MARCHF1: variants seen among roughly 807,000 people sequenced by gnomAD.
MARCHF1 encodes the protein membrane associated ring-CH-type finger 1, also known as E3 ubiquitin-protein ligase MARCHF1.
In MARCHF1, 40 loss-of-function variants were observed where a neutral mutation model predicts 54.2. The ratio of observed to expected loss-of-function variants is 0.74; its 90% CI spans 0.57 to 0.96. MARCHF1 has a LOEUF of 0.96. Among genes scored for constraint, MARCHF1 ranks in the 40% least tolerant of loss-of-function variants. The pLI is 0.00. For missense variants in MARCHF1, 586 were observed against 656.5 expected (o/e 0.89, Z 1.17); for synonymous variants, 236 against 236.3 (o/e 1.00, Z 0.01).
chr4:164,110,341 T>C (rs1373504179), intron 2 of MARCHF1, among the ~76,000 whole-genome samples: 4 of 151,884 alleles, frequency 2.6e-5, no homozygotes, highest in African/African-American at 9.7e-5. Context: ...ATCTCTTATA[T>C]AATCTTTATT....
intron 1 of MARCHF1, among the ~76,000 whole-genome samples, chr4:164,374,248 A>T (rs201772371): frequency 7.7e-6 from 1 of 129,350 alleles, no homozygotes; most frequent in Non-Finnish European, 1.6e-5. Context: ...AGACGTCAAC[A>T]TTTTTTTAAG....
chr4:164,001,095 T>C (rs2110917482), intron 2 of MARCHF1, among the ~76,000 whole-genome samples: 1 of 151,932 alleles, frequency 6.6e-6, no homozygotes, highest in South Asian at 2.1e-4. Flanking sequence ...TAATTTAATG[T>C]GGCCACAGTC....
At chr4:163,693,103 AT>A (rs1390585561) in intron 5 of MARCHF1, among the ~76,000 whole-genome samples, 1 of 151,374 alleles carries the variant, frequency 6.6e-6, no homozygotes, top group Non-Finnish European at 1.5e-5. Flanking sequence ...AGTCCATTGT[AT>A]TTATGATATC....
chr4:163,871,198 A>G (rs1464561941), intron 3 of MARCHF1, among the ~76,000 whole-genome samples: 1 of 152,176 alleles, frequency 6.6e-6, no homozygotes, highest in African/African-American at 2.4e-5. Context: ...TAAAACATAC[A>G]TCATCATCTT....
chr4:164,310,840 G>T (rs1193197976), intron 1 of MARCHF1, among the ~76,000 whole-genome samples: 1 of 152,056 alleles, frequency 6.6e-6, no homozygotes, highest in Non-Finnish European at 1.5e-5. Flanking sequence ...ACACAGTTTA[G>T]AATTTTTTCT....
chr4:163,901,083 A>G (rs960875561), intron 3 of MARCHF1, among the ~76,000 whole-genome samples: 14 of 152,182 alleles, frequency 9.2e-5, no homozygotes, highest in African/African-American at 3.4e-4. Flanking sequence ...TTTTATATTT[A>G]TTGATTGTAA....
intron 4 of MARCHF1, among the ~76,000 whole-genome samples, chr4:163,829,653 G>A (rs1748961465): frequency 2.0e-5 from 3 of 152,072 alleles, no homozygotes; most frequent in African/African-American, 7.2e-5. Context: ...CCCCTGGACT[G>A]GATGATATGT....
chr4:163,960,894 C>T (rs992022250), intron 3 of MARCHF1, among the ~76,000 whole-genome samples: 2 of 151,334 alleles, frequency 1.3e-5, no homozygotes, highest in African/African-American at 4.9e-5. Flanking sequence ...CGTCCAAAAT[C>T]AAGGTGCTGT....
At chr4:164,371,463 G>A (rs965847173) in intron 1 of MARCHF1, among the ~76,000 whole-genome samples, 4 of 151,990 alleles carry the variant, frequency 2.6e-5, no homozygotes, top group African/African-American at 9.7e-5. Context: ...AAAAACAAGG[G>A]ACAGAATGCA....
rs1561078571 is a variant in MARCHF1 at position 163,789,599 on chromosome 4, G to A, written c.111+64422C>T. ...AGCTAGAAAAAGGAGCTGATTCTTG[G>A]CTCTCTCTATTATGATTTAGAAAGT... On this transcript the variant is annotated intron_variant, in intron 4 of 9. Transcript: ENST00000514618. 2.6e-5 allele frequency among the ~76,000 whole-genome samples: 4 copies of A among 151,704 alleles called. No individual in the cohort carries two copies. In the South Asian group the frequency reaches 6.2e-4, roughly 24 times the overall value.
At chr4:164,275,906 C>G (rs1374437578) in intron 1 of MARCHF1, among the ~76,000 whole-genome samples, 3 of 152,144 alleles carry the variant, frequency 2.0e-5, no homozygotes, top group African/African-American at 7.2e-5. Context: ...CAAAAATTCA[C>G]AATATTTGCC....
At chr4:164,339,474 C>T (rs1729852385) in intron 1 of MARCHF1, among the ~76,000 whole-genome samples, 1 of 152,036 alleles carries the variant, frequency 6.6e-6, no homozygotes, top group African/African-American at 2.4e-5. Context: ...CCCTGAACAA[C>T]CAATGATCCA....
At chr4:163,976,324 A>G (rs1241592724) in intron 3 of MARCHF1, among the ~76,000 whole-genome samples, 1 of 152,194 alleles carries the variant, frequency 6.6e-6, no homozygotes, top group Non-Finnish European at 1.5e-5. Context: ...GCAGCTGGAA[A>G]ATTTAGACAT....
At chr4:163,816,324 T>G (rs534674886) in intron 4 of MARCHF1, among the ~76,000 whole-genome samples, 1 of 151,908 alleles carries the variant, frequency 6.6e-6, no homozygotes. Flanking sequence ...ATAAATAACA[T>G]TGATCTTCAA....
rs117897548 is a variant in MARCHF1, at chr4:163,645,341, T to C, written c.163-31948A>G. Among the ~76,000 whole-genome samples the C allele has an allele frequency of 4.6e-5, 7 of 152,178 alleles. No individual in the cohort carries two copies. The East Asian group carries it at 1.4e-3, about 29-fold the overall frequency. On this transcript the variant is annotated intron_variant, in intron 5 of 9. Transcript: ENST00000514618. ...CATACAACCGCAGTCCTAGAGGCAA[T>C]CACATCACACCTGGAACCTAATAGG...
Position 164,308,270 on chromosome 4 carries a change from T to C in MARCHF1, c.-323+75600A>G, listed in dbSNP as rs141223831. The stretch of plus-strand genomic sequence containing the variant: ...AAAACCTAGCATTGAATGTGAGACA[T>C]ACCAGCAAACATTACCTTAGAAATT... On this transcript the variant is annotated intron_variant, in intron 1 of 9. Transcript: ENST00000514618. 4.5e-3 allele frequency among the ~76,000 whole-genome samples: 683 copies of C among 152,302 alleles called. 5 individuals are homozygous for C. The highest frequency in any genetic ancestry group is 0.016 in the African/African-American group (655 of 41,562).
At chr4:163,608,202 C>T (rs1741206285) in intron 7 of MARCHF1, among the ~76,000 whole-genome samples, 1 of 152,030 alleles carries the variant, frequency 6.6e-6, no homozygotes, top group Admixed American at 6.6e-5. Flanking sequence ...AAGTGACTGC[C>T]AGGGGACCTG....
At chr4:163,883,289 A>G (rs1750459587) in intron 3 of MARCHF1, among the ~76,000 whole-genome samples, 1 of 150,144 alleles carries the variant, frequency 6.7e-6, no homozygotes, top group Admixed American at 6.6e-5. Context: ...GAGAGAGATT[A>G]CATTTAACTC....
intron 4 of MARCHF1, among the ~76,000 whole-genome samples, chr4:163,803,937 C>T (rs925974863): frequency 2.0e-5 from 3 of 152,182 alleles, no homozygotes; most frequent in African/African-American, 7.2e-5. Flanking sequence ...CTTCAAAGAG[C>T]ATGCTTCTTA....
Sources: gnomAD v4.1 joint callset for allele counts (sites outside exome capture counted in the v4.1 genomes callset) on GRCh38, gnomAD v4.1.1 for gene constraint, MANE v1.5 for transcripts, NCBI Gene and HGNC (gene_info 2026-07-23, HGNC 2026-07-21) for gene names.